Variants in JMJD1C observed in about 807,000 individuals in gnomAD.
JMJD1C encodes the protein jumonji domain-containing protein 1C.
In JMJD1C, 31 loss-of-function variants were observed where a neutral mutation model predicts 245.3. The observed-to-expected ratio is 0.13, with a 90% CI of 0.09 to 0.17. JMJD1C has a LOEUF of 0.17. Among genes scored for constraint, JMJD1C ranks in the 10% least tolerant of loss-of-function variants. The probability of loss-of-function intolerance (pLI) is 1.00; values close to 1 mark genes in which losing one functional copy is unlikely to be tolerated. For missense variants in JMJD1C, 2,691 were observed against 3,000.2 expected (o/e 0.90, Z 2.41); for synonymous variants, 1,057 against 1,017.4 (o/e 1.04, Z -0.74).
upstream of JMJD1C, among the ~76,000 whole-genome samples, chr10:63,470,872 T>C (rs1376599907): frequency 6.6e-6 from 1 of 152,210 alleles, no homozygotes; most frequent in Non-Finnish European, 1.5e-5. Context: ...ACCACTTCTT[T>C]TCAACATTCT....
Position 63,275,240 on chromosome 10 carries a change from A to C in JMJD1C, c.334-10476T>G, listed in dbSNP as rs1382895338. Reference sequence around the variant, plus strand: ...TTTTTACATCATAAGATGGTGTGAAAGCATTGTATTTATTTTCATGCTGGT... The same window carrying C: ...TTTTTACATCATAAGATGGTGTGAACGCATTGTATTTATTTTCATGCTGGT... On this transcript the variant is annotated intron_variant, in intron 2 of 25. Transcript: ENST00000399262. 2.6e-5 allele frequency among the ~76,000 whole-genome samples: 4 copies of C among 152,170 alleles called. No homozygotes were observed. In the East Asian group the frequency reaches 7.7e-4, roughly 29 times the overall value.
intron 2 of JMJD1C, among the ~76,000 whole-genome samples, chr10:63,333,998 T>C (rs1234118301): frequency 6.6e-6 from 1 of 152,120 alleles, no homozygotes; most frequent in Non-Finnish European, 1.5e-5. Context: ...GGCTATTTGG[T>C]ATACTGATAA....
chr10:63,188,638 T>C (rs895935097), intron 18 of JMJD1C, among the ~76,000 whole-genome samples: 2 of 152,220 alleles, frequency 1.3e-5, no homozygotes, highest in African/African-American at 4.8e-5. Context: ...ATCTGAAATG[T>C]ATATCAAACA....
At position 63,191,081 on chromosome 10, in the gene JMJD1C, T is replaced by G. The variant is rs190194717; in HGVS notation, c.6104A>C (p.Gln2035Pro). ...KENKELTLEN[Q>P]IKEEREQDNS... ...GTCTTGTTCTCTTTCTTCTTTAATT[T>G]GGTTTTCAAGGGTAAGTTCTTTGTT... The change falls in exon 17 of 26, where the codon CAA (glutamine) becomes CCA (proline). Residue 2035 changes from glutamine (Q) to proline (P), a missense_variant. Physicochemically the swap from Gln to Pro is moderately conservative, Grantham distance 76. This residue lies in a region of JMJD1C where 275 missense variants were observed against 285.5 expected (regional missense o/e 0.96). Coordinates refer to ENST00000399262, the MANE Select transcript of JMJD1C (RefSeq NM_032776.3). 7.4e-5 allele frequency: 119 copies of G among 1,613,916 alleles called. No individual in the cohort carries two copies. The South Asian group carries it at 1.1e-3, about 15-fold the overall frequency.
chr10:63,521,541 T>C, intron 1 of JMJD1C: 1 of 1,374,584 alleles, frequency 7.3e-7, no homozygotes, highest in South Asian at 1.5e-5. Flanking sequence ...CAAGCCCCCG[T>C]GAAGATGGTG....
At chr10:63,401,864 G>A (rs962650937) in intron 1 of JMJD1C, among the ~76,000 whole-genome samples, 2 of 152,130 alleles carry the variant, frequency 1.3e-5, no homozygotes, top group African/African-American at 4.8e-5. Flanking sequence ...GCAGGGCACA[G>A]TAGCTCACGC....
At chr10:63,351,936 T>C (rs372222287) in intron 2 of JMJD1C, among the ~76,000 whole-genome samples, 15 of 152,198 alleles carry the variant, frequency 9.9e-5, no homozygotes, top group Non-Finnish European at 1.8e-4. Context: ...TCCCCAGATA[T>C]ACAGCAGACA....
intron 3 of JMJD1C, among the ~76,000 whole-genome samples, chr10:63,235,294 G>A (rs1372994116): frequency 6.6e-6 from 1 of 152,102 alleles, no homozygotes; most frequent in East Asian, 1.9e-4. Context: ...TCACGAGTTC[G>A]AGACCAGCCT....
At chr10:63,322,658 C>G (rs1414799271) in intron 2 of JMJD1C, among the ~76,000 whole-genome samples, 1 of 151,594 alleles carries the variant, frequency 6.6e-6, no homozygotes, top group Non-Finnish European at 1.5e-5. Flanking sequence ...ACTAAAAATA[C>G]AAAAATTAGT....
intron 2 of JMJD1C, among the ~76,000 whole-genome samples, chr10:63,308,765 AAAAG>A (rs1187766305): frequency 1.3e-5 from 2 of 151,060 alleles, no homozygotes; most frequent in Non-Finnish European, 3.0e-5. Flanking sequence ...AAAAAAAAAA[AAAAG>A]AAAGGGAAAA....
chr10:63,380,001 T>C (rs1452621865), intron 2 of JMJD1C, among the ~76,000 whole-genome samples: 2 of 151,938 alleles, frequency 1.3e-5, no homozygotes, highest in Non-Finnish European at 2.9e-5. Context: ...AGTGCAGCAG[T>C]GTGACAGTAA....
intron 1 of JMJD1C, chr10:63,465,209 G>C: frequency 2.6e-6 from 1 of 383,398 alleles, no homozygotes; most frequent in Non-Finnish European, 4.7e-6. Context: ...GGCCGCCCAG[G>C]CGCCACAGCG....
In JMJD1C at chr10:63,191,983, CAAAAAAA is replaced by C. The variant is rs10652559; in HGVS notation, c.6077-882_6077-876del. ...TGGACAACAGAGTGAGACTCTGTCT[CAAAAAAA>C]AAAAAAAAAAAAAAAAAAACACAAA... On this transcript the variant is annotated intron_variant, in intron 16 of 25. Coordinates refer to ENST00000399262, the MANE Select transcript of JMJD1C (RefSeq NM_032776.3). Among the ~76,000 whole-genome samples, 379 of 60,828 alleles carry C rather than the reference CAAAAAAA, an allele frequency of 6.2e-3. 2 individuals are homozygous for C. In the East Asian group the frequency reaches 0.11, roughly 17 times the overall value. 39.9% of individuals were successfully genotyped at this position (60,828 alleles called of 152,430 possible). A position where few individuals can be genotyped will look rare whatever the true frequency, so the allele number is the denominator to read the frequency against.
At chr10:63,277,731 C>CTGTTTTTTTTTTTTT (rs1856943489) in intron 2 of JMJD1C, among the ~76,000 whole-genome samples, 1 of 64,262 alleles carries the variant, frequency 1.6e-5, no homozygotes, top group Non-Finnish European at 2.6e-5. Flanking sequence ...ATTTGCATTT[C>CTGTTTTTTTTTTTTT]TTTTTTTTTT....
intron 3 of JMJD1C, among the ~76,000 whole-genome samples, chr10:63,243,103 TTATATATATA>T (rs10607355): frequency 5.8e-5 from 7 of 120,108 alleles, no homozygotes; most frequent in Non-Finnish European, 1.2e-4. Flanking sequence ...CTAACATAAA[TTATATATATA>T]TATATATATA....
intron 1 of JMJD1C, among the ~76,000 whole-genome samples, chr10:63,432,623 T>G (rs1044448745): frequency 3.9e-5 from 6 of 152,184 alleles, no homozygotes; most frequent in African/African-American, 1.4e-4. Flanking sequence ...TCACATCAAC[T>G]CTGGAATGTC....
At chr10:63,450,058 A>C (rs965449939) in intron 1 of JMJD1C, among the ~76,000 whole-genome samples, 1 of 152,162 alleles carries the variant, frequency 6.6e-6, no homozygotes, top group African/African-American at 2.4e-5. Context: ...GGCTACAATG[A>C]GCTGTGATTG....
At chr10:63,197,829 C>G (rs780659683) in intron 12 of JMJD1C, among the ~76,000 whole-genome samples, 1 of 152,116 alleles carries the variant, frequency 6.6e-6, no homozygotes, top group Non-Finnish European at 1.5e-5. Context: ...TTGAATAATT[C>G]TTTGTTGGGA....
At chr10:63,239,026 A>G (rs1277227602) in intron 3 of JMJD1C, among the ~76,000 whole-genome samples, 1 of 152,192 alleles carries the variant, frequency 6.6e-6, no homozygotes, top group African/African-American at 2.4e-5. Flanking sequence ...TGACCTAGTT[A>G]GGTGTGTCAG....
Sources: gnomAD v4.1 joint callset for allele counts (sites outside exome capture counted in the v4.1 genomes callset) on GRCh38, gnomAD v4.1.1 for gene constraint, gnomAD v4.1.1 regional missense constraint, MANE v1.5 for transcripts, NCBI Gene and HGNC (gene_info 2026-07-23, HGNC 2026-07-21) for gene names.